CSMD1: variants seen among roughly 807,000 people sequenced by gnomAD.
CSMD1 encodes the protein CUB and Sushi multiple domains 1.
A neutral mutation model predicts 417.5 loss-of-function variants in CSMD1; 213 were observed. The ratio of observed to expected loss-of-function variants is 0.51; its 90% CI spans 0.46 to 0.57. The LOEUF (loss-of-function observed/expected upper bound fraction) is 0.57, where lower values mean the gene tolerates loss of function less well. CSMD1 is among the 20% of genes least tolerant of loss of function. The probability of loss-of-function intolerance (pLI) is 0.00; values close to 1 mark genes in which losing one functional copy is unlikely to be tolerated. For missense variants in CSMD1, 6,923 were observed against 4,529.7 expected, an observed-to-expected ratio of 1.53 and a Z score of -15.17; for synonymous variants, 2,862 against 1,736.8, an observed-to-expected ratio of 1.65 and a Z score of -16.11.
intron 3 of CSMD1, among the ~76,000 whole-genome samples, chr8:4,280,807 T>C (rs1041567628): frequency 7.6e-4 from 115 of 152,300 alleles, no homozygotes; most frequent in African/African-American, 2.7e-3. Flanking sequence ...TGTTAAAATT[T>C]TCAAAAATGT....
At chr8:2,953,401 A>G (rs1802768885) in intron 65 of CSMD1, among the ~76,000 whole-genome samples, 1 of 151,658 alleles carries the variant, frequency 6.6e-6, no homozygotes, top group Admixed American at 6.6e-5. Flanking sequence ...TATCCTGACA[A>G]TAGCAATACA....
At chr8:4,469,399 T>C (rs1800388995) in intron 2 of CSMD1, among the ~76,000 whole-genome samples, 1 of 152,322 alleles carries the variant, frequency 6.6e-6, no homozygotes, top group South Asian at 2.1e-4. Flanking sequence ...GTGTCAGCAT[T>C]CTGCCGTATT....
intron 7 of CSMD1, among the ~76,000 whole-genome samples, chr8:3,641,999 C>T (rs1321867026): frequency 6.6e-6 from 1 of 151,962 alleles, no homozygotes; most frequent in African/African-American, 2.4e-5. Context: ...ATTAGCAGCC[C>T]CAGAAGCTAG....
intron 6 of CSMD1, among the ~76,000 whole-genome samples, chr8:3,714,561 CAAA>C (rs61494901): frequency 4.3e-5 from 3 of 70,554 alleles, no homozygotes; most frequent in South Asian, 1.1e-3. Flanking sequence ...ATCTCTATCC[CAAA>C]AAAAAAAAAA....
chr8:3,742,839 C>T (rs1431448275), intron 6 of CSMD1, among the ~76,000 whole-genome samples: 1 of 152,244 alleles, frequency 6.6e-6, no homozygotes, highest in Non-Finnish European at 1.5e-5. Context: ...CCAACTTCTT[C>T]ACTGTGAAGA....
At chr8:3,726,244 G>C (rs1205553988) in intron 6 of CSMD1, among the ~76,000 whole-genome samples, 1 of 152,152 alleles carries the variant, frequency 6.6e-6, no homozygotes, top group Non-Finnish European at 1.5e-5. Context: ...CCCATGAGAG[G>C]CTGGGAAAGA....
At chr8:3,524,051 GTGCACACACA>G (rs569154504) in intron 10 of CSMD1, among the ~76,000 whole-genome samples, 7,665 of 113,120 alleles carry the variant, frequency 0.068, 273 homozygotes, top group Middle Eastern at 0.13. Context: ...CCAGAGACAC[GTGCACACACA>G]TGCACACACT....
At chr8:3,286,910 C>G (rs572989070) in intron 25 of CSMD1, among the ~76,000 whole-genome samples, 1 of 152,222 alleles carries the variant, frequency 6.6e-6, no homozygotes, top group African/African-American at 2.4e-5. Flanking sequence ...TGCCTATGTC[C>G]TGAATGGTAT....
At chr8:3,833,395 C>G (rs1000908708) in intron 5 of CSMD1, among the ~76,000 whole-genome samples, 2 of 152,034 alleles carry the variant, frequency 1.3e-5, no homozygotes, top group African/African-American at 4.8e-5. Flanking sequence ...TTACTGCATT[C>G]AACTCCTTTT....
chr8:4,938,050 A>G (rs367826784), intron 1 of CSMD1, among the ~76,000 whole-genome samples: 2 of 152,286 alleles, frequency 1.3e-5, no homozygotes, highest in African/African-American at 2.4e-5. Flanking sequence ...TATTACATCA[A>G]AAAGTATTAA....
At chr8:3,821,895 G>C (rs1186302994) in intron 5 of CSMD1, among the ~76,000 whole-genome samples, 2 of 152,164 alleles carry the variant, frequency 1.3e-5, no homozygotes, top group East Asian at 1.9e-4. Flanking sequence ...ACCATGAACT[G>C]TGCTTCCAGA....
chr8:4,763,764 T>A (rs1812271541), intron 1 of CSMD1, among the ~76,000 whole-genome samples: 1 of 152,228 alleles, frequency 6.6e-6, no homozygotes, highest in African/African-American at 2.4e-5. Context: ...GGCAGGGCAG[T>A]CGTTTCTAAC....
chr8:3,517,490 T>TA (rs1797330086), intron 10 of CSMD1, among the ~76,000 whole-genome samples: 1 of 152,150 alleles, frequency 6.6e-6, no homozygotes, highest in Admixed American at 6.5e-5. Context: ...GATAGTTTGA[T>TA]AAAAAATACT....
At position 3,852,446 on chromosome 8, in the gene CSMD1, G is replaced by C. The variant is rs548061506; in HGVS notation, c.819-98404C>G. Among the ~76,000 whole-genome samples the C allele has an allele frequency of 1.0e-3, 158 of 152,276 alleles. 1 individual carries two copies. Among genetic ancestry groups the C allele is most frequent in the African/African-American group, 1.1e-3 (45 of 41,564 alleles). ...GCTGCTGGTCAAGACGTCGGGAAGAGGGTAGGGCTGCAGGGCTGCATTCAG... is the reference window on the plus strand; with the variant it reads ...GCTGCTGGTCAAGACGTCGGGAAGACGGTAGGGCTGCAGGGCTGCATTCAG... On this transcript the variant is annotated intron_variant, in intron 5 of 69. Coordinates refer to ENST00000635120, the MANE Select transcript of CSMD1 (RefSeq NM_033225.6).
chr8:4,299,241 C>T (rs1394489), intron 3 of CSMD1, among the ~76,000 whole-genome samples: 79,734 of 151,998 alleles, frequency 0.52, 21,449 homozygotes, highest in East Asian at 0.84. Context: ...AAATAAGACA[C>T]TGTAAATATT....
intron 12 of CSMD1, among the ~76,000 whole-genome samples, chr8:3,464,644 T>A (rs775204779): frequency 6.6e-6 from 1 of 150,470 alleles, no homozygotes; most frequent in Admixed American, 6.6e-5. Context: ...AATCTATATA[T>A]ATAGCAAATT....
At chr8:3,369,022 G>A (rs7001376) in intron 19 of CSMD1, among the ~76,000 whole-genome samples, 36,241 of 152,062 alleles carry the variant, frequency 0.24, 4,415 homozygotes, top group African/African-American at 0.3. Context: ...GTTCACATGC[G>A]TATATTCAGG....
intron 3 of CSMD1, among the ~76,000 whole-genome samples, chr8:4,273,424 T>G (rs1033162001): frequency 2.0e-5 from 3 of 152,146 alleles, no homozygotes; most frequent in African/African-American, 7.2e-5. Context: ...TCAGGTCAAT[T>G]ATACTTTTTT....
chr8:3,856,531 A>G (rs1329096213), intron 5 of CSMD1, among the ~76,000 whole-genome samples: 1 of 152,188 alleles, frequency 6.6e-6, no homozygotes, highest in Non-Finnish European at 1.5e-5. Context: ...CACGTAATAA[A>G]TGCAACGACT....
Sources: allele counts gnomAD v4.1 joint callset (sites outside exome capture counted in the v4.1 genomes callset), GRCh38; gene constraint gnomAD v4.1.1; transcripts MANE v1.5; gene names NCBI Gene and HGNC (gene_info 2026-07-23, HGNC 2026-07-21).